PEX7: variants seen among roughly 807,000 people sequenced by gnomAD.
PEX7 encodes the protein peroxisomal biogenesis factor 7.
PEX7 carries 34 observed loss-of-function variants against 47.5 expected under a neutral mutation model. The observed-to-expected ratio is 0.72, with a 90% CI of 0.54 to 0.95. The LOEUF is 0.95. Among genes scored for constraint, PEX7 ranks in the 40% least tolerant of loss-of-function variants. The pLI is 0.00. For missense variants in PEX7, 394 were observed against 400.3 expected, an observed-to-expected ratio of 0.98 and a Z score of 0.13; for synonymous variants, 141 against 148.8, an observed-to-expected ratio of 0.95 and a Z score of 0.38.
At position 136,876,519 on chromosome 6, in the gene PEX7, G is replaced by T. The variant is rs903462470; in HGVS notation, c.803+4266G>T. 2.5e-4 allele frequency among the ~76,000 whole-genome samples: 38 copies of T among 152,018 alleles called. 1 individual carries two copies. In the East Asian group the frequency reaches 7.2e-3, roughly 29 times the overall value. Reference sequence around the variant, plus strand: ...CCCACCCCCCAAAAGGCCCCAATGTGTGGTGTTCACCTCCCTGTGTCCATG... The same window carrying T: ...CCCACCCCCCAAAAGGCCCCAATGTTTGGTGTTCACCTCCCTGTGTCCATG... On this transcript the variant is annotated intron_variant, in intron 8 of 9. Transcript: ENST00000318471.
intron 1 of PEX7, 57 bp downstream of exon 1, chr6:136,822,852 C>A: frequency 4.8e-6 from 4 of 839,508 alleles, no homozygotes; most frequent in Non-Finnish European, 4.6e-6. Flanking sequence ...GGGGGCCAGC[C>A]GGGCTCCAGT....
At chr6:136,830,864 C>G (rs1008053692) in intron 3 of PEX7, among the ~76,000 whole-genome samples, 3 of 151,884 alleles carry the variant, frequency 2.0e-5, no homozygotes, top group Admixed American at 6.6e-5. Flanking sequence ...TATCAATTTG[C>G]TGAATTTTTA....
At chr6:136,839,111 G>A (rs1049733173) in intron 3 of PEX7, among the ~76,000 whole-genome samples, 2 of 152,092 alleles carry the variant, frequency 1.3e-5, no homozygotes, top group South Asian at 4.2e-4. Flanking sequence ...AGCCCAGAAG[G>A]TGGAGGCTGC....
chr6:136,869,119 G>A (rs995335843), intron 6 of PEX7, among the ~76,000 whole-genome samples: 4 of 152,124 alleles, frequency 2.6e-5, no homozygotes, highest in African/African-American at 7.2e-5. Context: ...TAGAGATGAG[G>A]TCTCACTGTT....
At chr6:136,913,321 C>A in intron 9 of PEX7, 137 bp from the exon 10 acceptor site, 1 of 693,336 alleles carries the variant, frequency 1.4e-6, no homozygotes, top group Non-Finnish European at 2.6e-6. Context: ...AAAAACGTAG[C>A]CCTATGTTTT....
At chr6:136,867,069 C>T (rs979818502) in intron 6 of PEX7, among the ~76,000 whole-genome samples, 1 of 152,126 alleles carries the variant, frequency 6.6e-6, no homozygotes, top group Non-Finnish European at 1.5e-5. Context: ...TTCTTTCTCA[C>T]TTTGCTAGTC....
intron 6 of PEX7, among the ~76,000 whole-genome samples, chr6:136,869,655 T>C (rs1775138804): frequency 1.3e-5 from 2 of 152,232 alleles, no homozygotes; most frequent in South Asian, 4.1e-4. Flanking sequence ...CTGTCTGTAG[T>C]GTTCCATCGT....
chr6:136,882,588 A>G (rs894655276), intron 8 of PEX7, among the ~76,000 whole-genome samples: 4 of 152,134 alleles, frequency 2.6e-5, no homozygotes, highest in African/African-American at 9.6e-5. Context: ...TCAAGCACAA[A>G]TTATCTTAAT....
intron 5 of PEX7, among the ~76,000 whole-genome samples, chr6:136,860,283 G>A (rs922666534): frequency 2.6e-5 from 4 of 152,148 alleles, no homozygotes; most frequent in African/African-American, 9.7e-5. Context: ...TGGCGAGGAT[G>A]AAGTGCCAAA....
intron 9 of PEX7, among the ~76,000 whole-genome samples, chr6:136,898,865 C>T (rs1408049066): frequency 6.6e-6 from 1 of 151,634 alleles, no homozygotes; most frequent in Non-Finnish European, 1.5e-5. Flanking sequence ...ATCAGAAACA[C>T]TACAATATGT....
rs150149104 is a variant in PEX7 at position 136,913,135 on chromosome 6, G to A, written c.904-323G>A. ...TTCACAGTCTGGAACGTATCTTTTC[G>A]ACATTTATATCAGATAGTAGGGAAT... On this transcript the variant is annotated intron_variant, in intron 9 of 9. Transcript: ENST00000318471. Among the ~76,000 whole-genome samples, 341 of 152,270 alleles carry A rather than the reference G, an allele frequency of 2.2e-3. 5 individuals are homozygous for A. Among genetic ancestry groups the A allele is most frequent in the Admixed American group, 0.018 (281 of 15,284 alleles).
chr6:136,897,946 A>G (rs1221179392), intron 8 of PEX7, among the ~76,000 whole-genome samples, 196 bp from the exon 9 acceptor site: 1 of 150,824 alleles, frequency 6.6e-6, no homozygotes, highest in African/African-American at 2.4e-5. Context: ...TTTTTTTTTT[A>G]TATATATAAT....
At chr6:136,845,004 A>G (rs1774569997) in intron 3 of PEX7, among the ~76,000 whole-genome samples, 1 of 152,266 alleles carries the variant, frequency 6.6e-6, no homozygotes, top group African/African-American at 2.4e-5. Context: ...CTTAGTTTAC[A>G]GCAGTGATCT....
In PEX7 at chr6:136,837,307, C is replaced by T. The variant is rs555321435; in HGVS notation, c.340-8308C>T. 4.7e-5 allele frequency among the ~76,000 whole-genome samples: 6 copies of T among 128,410 alleles called. No individual in the cohort carries two copies. In the East Asian group the frequency reaches 7.6e-4, roughly 16 times the overall value. 84.2% of individuals were successfully genotyped at this position (128,410 alleles called of 152,430 possible). ...AACCTGGGAGGTGGAGCTTGCAGTGCGCCAAGATCGCGCCACTGCACTCCA... is the reference window on the plus strand; with the variant it reads ...AACCTGGGAGGTGGAGCTTGCAGTGTGCCAAGATCGCGCCACTGCACTCCA... On this transcript the variant is annotated intron_variant, in intron 3 of 9. Transcript: ENST00000318471.
chr6:136,899,514 G>A (rs1031876270), intron 9 of PEX7, among the ~76,000 whole-genome samples: 2 of 152,130 alleles, frequency 1.3e-5, no homozygotes, highest in African/African-American at 4.8e-5. Context: ...AAAGTGCTGG[G>A]ATTACAGACA....
At chr6:136,840,541 C>G (rs1342712458) in intron 3 of PEX7, among the ~76,000 whole-genome samples, 2 of 152,080 alleles carry the variant, frequency 1.3e-5, no homozygotes, top group Non-Finnish European at 2.9e-5. Context: ...CACTGAAAGG[C>G]TTTGCACAGG....
rs1414404629 is a variant in PEX7, at chr6:136,905,161, C to T, written c.903+6920C>T. Reference sequence around the variant, plus strand: ...TTAGAAGAGAGTTCCCAGGAATGAGCATCTTTTTCCGTCTCTGTCACCCCA... The same window carrying T: ...TTAGAAGAGAGTTCCCAGGAATGAGTATCTTTTTCCGTCTCTGTCACCCCA... On this transcript the variant is annotated intron_variant, in intron 9 of 9. Transcript: ENST00000318471. Among the ~76,000 whole-genome samples, 4 of 152,202 alleles carry T rather than the reference C, an allele frequency of 2.6e-5. 1 individual carries two copies. Among genetic ancestry groups the T allele is most frequent in the Admixed American group, 2.0e-4 (3 of 15,282 alleles).
chr6:136,822,594 C>A lies in PEX7; in HGVS notation c.-72C>A. 1 of 1,392,410 alleles carries A rather than the reference C, an allele frequency of 7.2e-7. No homozygotes were observed. Among genetic ancestry groups the A allele is most frequent in the Non-Finnish European group, 9.8e-7 (1 of 1,022,374 alleles). The allele number at this position is 1,392,410 out of a possible 1,614,324, so 86.3% of individuals were successfully genotyped here. On this transcript the variant is annotated 5_prime_UTR_variant, in exon 1 of 10. Transcript: ENST00000318471. ...CGTCCGGTCTGCCTGGTCTCTCTAA[C>A]CGCGCCAGTGTGCCTCCGACTCGGA...
At chr6:136,884,383 G>T (rs1775431113) in intron 8 of PEX7, among the ~76,000 whole-genome samples, 1 of 152,134 alleles carries the variant, frequency 6.6e-6, no homozygotes, top group Non-Finnish European at 1.5e-5. Flanking sequence ...TCAGATATAA[G>T]ACCAACAGTA....
Sources: gnomAD v4.1 joint callset for allele counts (sites outside exome capture counted in the v4.1 genomes callset) on GRCh38, gnomAD v4.1.1 for gene constraint, MANE v1.5 for transcripts, NCBI Gene and HGNC (gene_info 2026-07-23, HGNC 2026-07-21) for gene names.